The following VPS13D variants were observed in gnomAD, a reference collection of about 807,000 sequenced individuals.
VPS13D encodes the protein vacuolar protein sorting 13 homolog D.
A neutral mutation model predicts 461.9 loss-of-function variants in VPS13D; 187 were observed. The observed-to-expected ratio is 0.40, with a 90% CI of 0.36 to 0.46. The LOEUF (loss-of-function observed/expected upper bound fraction) is 0.46, where lower values mean the gene tolerates loss of function less well. Ranked by LOEUF, VPS13D falls within the 20% of genes least tolerant of loss-of-function variation. The probability of loss-of-function intolerance (pLI) is 0.60; values close to 1 mark genes in which losing one functional copy is unlikely to be tolerated. For missense variants in VPS13D, 4,711 were observed against 5,364.9 expected (o/e 0.88, Z 3.81); for synonymous variants, 1,951 against 1,986.3 (o/e 0.98, Z 0.47).
intron 63 of VPS13D, among the ~76,000 whole-genome samples, chr1:12,411,552 G>A (rs1394789979): frequency 6.8e-6 from 1 of 148,102 alleles, no homozygotes; most frequent in African/African-American, 2.5e-5. Flanking sequence ...GAGGAGGGAG[G>A]GAGGGAGGGA....
chr1:12,298,132 C>T (rs922496600), intron 24 of VPS13D, among the ~76,000 whole-genome samples: 2 of 151,950 alleles, frequency 1.3e-5, no homozygotes, highest in Admixed American at 6.6e-5. Flanking sequence ...TCATTTAATC[C>T]CTATACCTCT....
intron 65 of VPS13D, among the ~76,000 whole-genome samples, chr1:12,442,533 T>C (rs2100346797): frequency 6.6e-6 from 1 of 152,272 alleles, no homozygotes; most frequent in Admixed American, 6.5e-5. Flanking sequence ...CATTACTATT[T>C]AGTCAGCTTC....
At chr1:12,253,632 A>T (rs944195556) in intron 6 of VPS13D, 90 bp from the exon 7 acceptor site, 2 of 1,027,006 alleles carry the variant, frequency 1.9e-6, no homozygotes, top group African/African-American at 1.6e-5. Flanking sequence ...AGTACCTGAC[A>T]CATGATTCTT....
At chr1:12,445,394 G>T (rs1177475961) in intron 65 of VPS13D, among the ~76,000 whole-genome samples, 1 of 152,234 alleles carries the variant, frequency 6.6e-6, no homozygotes, top group Non-Finnish European at 1.5e-5. Flanking sequence ...GTTGAGTTAA[G>T]TGGATTCTGT....
At chr1:12,448,818 C>G (rs574899598) in intron 65 of VPS13D, among the ~76,000 whole-genome samples, 2 of 152,206 alleles carry the variant, frequency 1.3e-5, no homozygotes, top group African/African-American at 2.4e-5. Flanking sequence ...GGGAATGCTT[C>G]AAACCACTCT....
At chr1:12,312,037 T>C in intron 29 of VPS13D, 112 bp downstream of exon 29, 3 of 853,038 alleles carry the variant, frequency 3.5e-6, no homozygotes, top group Non-Finnish European at 5.5e-6. Flanking sequence ...GATGGAATGT[T>C]GTCTGCAGAG....
At chr1:12,321,627 C>A (rs1643039496) in intron 32 of VPS13D, among the ~76,000 whole-genome samples, 182 bp from the exon 33 acceptor site, 1 of 152,074 alleles carries the variant, frequency 6.6e-6, no homozygotes, top group Admixed American at 6.6e-5. Flanking sequence ...TCTGGGTGAA[C>A]CACTGCGTGT....
intron 63 of VPS13D, among the ~76,000 whole-genome samples, chr1:12,406,324 G>T (rs530357353): frequency 2.0e-5 from 3 of 152,080 alleles, no homozygotes; most frequent in South Asian, 4.1e-4. Flanking sequence ...TCTTAGAAGG[G>T]TACTATGCTC....
chr1:12,379,140 A>G (rs1340299767), intron 56 of VPS13D, among the ~76,000 whole-genome samples: 1 of 152,262 alleles, frequency 6.6e-6, no homozygotes, highest in Non-Finnish European at 1.5e-5. Flanking sequence ...TAGAAATACA[A>G]CAGAAAAAAG....
intron 40 of VPS13D, among the ~76,000 whole-genome samples, chr1:12,340,098 G>A (rs1643535759): frequency 6.6e-6 from 1 of 152,150 alleles, no homozygotes; most frequent in Admixed American, 6.5e-5. Context: ...CGTTTACCCT[G>A]CAGACAGCTC....
intron 60 of VPS13D, among the ~76,000 whole-genome samples, chr1:12,396,540 T>C (rs1249198493): frequency 2.0e-5 from 3 of 152,312 alleles, no homozygotes; most frequent in African/African-American, 7.2e-5. Flanking sequence ...AGGAAACTAG[T>C]TCCTGGTAGA....
intron 32 of VPS13D, among the ~76,000 whole-genome samples, chr1:12,319,915 C>T (rs1569896020): frequency 1.3e-5 from 2 of 152,224 alleles, no homozygotes; most frequent in African/African-American, 4.8e-5. Flanking sequence ...GTCCCCACTG[C>T]CCTGTCAGGC....
intron 23 of VPS13D, 22 bp from the exon 24 acceptor site, chr1:12,293,502 A>G (rs756484649): frequency 1.3e-6 from 2 of 1,566,088 alleles, no homozygotes; most frequent in Non-Finnish European, 1.7e-6. Context: ...TATCTGAGTC[A>G]CACTTTTATC....
intron 10 of VPS13D, 103 bp from the exon 11 acceptor site, chr1:12,260,590 A>T: frequency 8.0e-6 from 7 of 876,992 alleles, no homozygotes; most frequent in Non-Finnish European, 1.3e-5. Context: ...GGGACCAGAG[A>T]GGTTTCTGTG....
intron 62 of VPS13D, chr1:12,402,573 G>T (rs1644595257): frequency 1.3e-5 from 2 of 152,178 alleles, no homozygotes; most frequent in South Asian, 2.1e-4. Flanking sequence ...CCCAGATTTA[G>T]AATTTAAGCT....
intron 67 of VPS13D, among the ~76,000 whole-genome samples, chr1:12,465,452 G>A (rs1645469720): frequency 6.6e-6 from 1 of 152,172 alleles, no homozygotes; most frequent in Non-Finnish European, 1.5e-5. Flanking sequence ...GGAATTTGAA[G>A]GATAATGATA....
intron 67 of VPS13D, among the ~76,000 whole-genome samples, chr1:12,463,605 G>T (rs1004328449): frequency 6.6e-6 from 1 of 151,940 alleles, no homozygotes; most frequent in African/African-American, 2.4e-5. Flanking sequence ...AAACAAACCT[G>T]GATATGGTGG....
At chr1:12,413,212 T>A (rs958583909) in intron 63 of VPS13D, among the ~76,000 whole-genome samples, 108 of 152,180 alleles carry the variant, frequency 7.1e-4, no homozygotes, top group African/African-American at 2.3e-3. Context: ...TTGTTTGTTT[T>A]AAGTGACAGG....
At chr1:12,393,008 A>C (rs143570503) in intron 60 of VPS13D, among the ~76,000 whole-genome samples, 9,391 of 152,142 alleles carry the variant, frequency 0.062, 438 homozygotes, top group Admixed American at 0.12. Context: ...AGGCATTGTA[A>C]CTCTTTCTTG....
Sources: allele counts gnomAD v4.1 joint callset (sites outside exome capture counted in the v4.1 genomes callset), GRCh38; gene constraint gnomAD v4.1.1; transcripts MANE v1.5; gene names NCBI Gene and HGNC (gene_info 2026-07-23, HGNC 2026-07-21).